Variants in CNTN5 observed in about 807,000 individuals in gnomAD.
CNTN5 encodes the protein contactin-5.
A neutral mutation model predicts 129.1 loss-of-function variants in CNTN5; 77 were observed. The ratio of observed to expected loss-of-function variants is 0.60; its 90% CI spans 0.50 to 0.72. The LOEUF is 0.72. CNTN5 is among the 30% of genes least tolerant of loss of function. CNTN5 has a pLI of 0.00. For synonymous variants in CNTN5, 509 were observed against 465.6 expected, an observed-to-expected ratio of 1.09 and a Z score of -1.20; for missense variants, 1,478 against 1,328.8, an observed-to-expected ratio of 1.11 and a Z score of -1.75.
intron 3 of CNTN5, among the ~76,000 whole-genome samples, chr11:99,704,692 A>G (rs891096541): frequency 6.6e-6 from 1 of 151,252 alleles, no homozygotes; most frequent in Non-Finnish European, 1.5e-5. Flanking sequence ...TTTTATCTAT[A>G]TATGCATTCT....
chr11:99,684,716 C>A (rs1394175662), intron 3 of CNTN5, among the ~76,000 whole-genome samples: 3 of 151,712 alleles, frequency 2.0e-5, no homozygotes, highest in African/African-American at 7.3e-5. Flanking sequence ...AGAAATTTGT[C>A]CATTTCAAAT....
At chr11:100,078,887 C>T (rs990010305) in intron 13 of CNTN5, among the ~76,000 whole-genome samples, 1 of 151,880 alleles carries the variant, frequency 6.6e-6, no homozygotes, top group Non-Finnish European at 1.5e-5. Flanking sequence ...AAGTACTGCC[C>T]AAGACTGGGT....
intron 7 of CNTN5, among the ~76,000 whole-genome samples, chr11:99,954,100 C>T (rs1414783492): frequency 6.6e-6 from 1 of 152,076 alleles, no homozygotes; most frequent in Non-Finnish European, 1.5e-5. Flanking sequence ...ACCTGTGTAA[C>T]AAACCTGCAT....
intron 3 of CNTN5, among the ~76,000 whole-genome samples, chr11:99,710,308 T>G (rs1315973278): frequency 6.6e-6 from 1 of 151,876 alleles, no homozygotes; most frequent in Non-Finnish European, 1.5e-5. Flanking sequence ...TCATTCCTCT[T>G]GTCATAACAC....
intron 4 of CNTN5, among the ~76,000 whole-genome samples, chr11:99,828,237 A>G (rs1409678579): frequency 6.6e-6 from 1 of 152,230 alleles, no homozygotes; most frequent in African/African-American, 2.4e-5. Flanking sequence ...GAGCCTTTAT[A>G]TAATGGCTAC....
At chr11:99,063,426 G>T (rs1197348590) in intron 1 of CNTN5, among the ~76,000 whole-genome samples, 1 of 151,738 alleles carries the variant, frequency 6.6e-6, no homozygotes, top group Non-Finnish European at 1.5e-5. Context: ...TGAGTGTTAA[G>T]AATCATATAA....
At chr11:100,003,759 C>T (rs945320919) in intron 9 of CNTN5, 67 of 152,246 alleles carry the variant, frequency 4.4e-4, no homozygotes, top group African/African-American at 1.5e-3. Flanking sequence ...ATGTTATTTT[C>T]TTCAACCTTT....
chr11:99,920,187 A>G (rs184907198), intron 7 of CNTN5, among the ~76,000 whole-genome samples: 1 of 152,190 alleles, frequency 6.6e-6, no homozygotes, highest in East Asian at 1.9e-4. Flanking sequence ...TCTCCATAAA[A>G]CACTATTTTC....
chr11:100,201,662 G>T (rs576644479), intron 15 of CNTN5, among the ~76,000 whole-genome samples: 2 of 151,604 alleles, frequency 1.3e-5, no homozygotes, highest in African/African-American at 2.4e-5. Context: ...CATATTACTC[G>T]TGAGCCTATT....
intron 8 of CNTN5, among the ~76,000 whole-genome samples, chr11:100,000,539 A>G (rs1003802004): frequency 6.6e-5 from 10 of 152,108 alleles, no homozygotes; most frequent in Non-Finnish European, 1.3e-4. Context: ...TTGAGTGCCT[A>G]TGGCTTTTCT....
chr11:100,017,100 T>A (rs1483723464), intron 9 of CNTN5, among the ~76,000 whole-genome samples: 10 of 152,012 alleles, frequency 6.6e-5, no homozygotes, highest in Admixed American at 3.9e-4. Context: ...TGAATCAATC[T>A]ACATTACAAC....
intron 3 of CNTN5, among the ~76,000 whole-genome samples, chr11:99,613,256 G>A (rs913808012): frequency 5.9e-5 from 9 of 152,204 alleles, no homozygotes; most frequent in African/African-American, 9.7e-5. Context: ...TTTTCCCCGT[G>A]CTGTTCTCTG....
chr11:99,778,059 T>A (rs1436135521), intron 3 of CNTN5, among the ~76,000 whole-genome samples: 4 of 151,900 alleles, frequency 2.6e-5, no homozygotes, highest in Non-Finnish European at 5.9e-5. Flanking sequence ...ATTTTTTAAT[T>A]CAGATTGAGT....
chr11:100,090,548 TTCCC>T (rs1162676109), intron 13 of CNTN5, among the ~76,000 whole-genome samples: 4 of 49,798 alleles, frequency 8.0e-5, no homozygotes, highest in Admixed American at 2.6e-4. Flanking sequence ...CCTTCCTTCC[TTCCC>T]TCCCTCCCTC....
At chr11:99,866,614 T>G (rs1591334744) in intron 6 of CNTN5, among the ~76,000 whole-genome samples, 1 of 152,334 alleles carries the variant, frequency 6.6e-6, no homozygotes, top group Middle Eastern at 3.4e-3. Flanking sequence ...TCCAAGCCAC[T>G]TAATAACATC....
At chr11:99,747,460 CTT>C (rs55790126) in intron 3 of CNTN5, among the ~76,000 whole-genome samples, 57 of 85,736 alleles carry the variant, frequency 6.6e-4, no homozygotes, top group Non-Finnish European at 9.3e-4. Flanking sequence ...AGTCAGCATC[CTT>C]TTTTTTTTTT....
chr11:99,422,490 CA>C (rs1490773743), intron 2 of CNTN5, among the ~76,000 whole-genome samples: 1 of 134,296 alleles, frequency 7.4e-6, no homozygotes, highest in East Asian at 2.2e-4. Context: ...TATTGAAAAA[CA>C]AAAGCGATTC....
chr11:100,321,151 A>G (rs1371163635), intron 21 of CNTN5, among the ~76,000 whole-genome samples: 1 of 152,030 alleles, frequency 6.6e-6, no homozygotes, highest in Non-Finnish European at 1.5e-5. Context: ...GATACTATGG[A>G]CATTTTAACA....
At chr11:99,235,185 G>T (rs1427861302) in intron 1 of CNTN5, among the ~76,000 whole-genome samples, 1 of 151,920 alleles carries the variant, frequency 6.6e-6, no homozygotes, top group Non-Finnish European at 1.5e-5. Context: ...TTTGGGGAGT[G>T]GGGGAGATTA....
Sources: allele counts gnomAD v4.1 joint callset (sites outside exome capture counted in the v4.1 genomes callset), GRCh38; gene constraint gnomAD v4.1.1; transcripts MANE v1.5; gene names NCBI Gene and HGNC (gene_info 2026-07-23, HGNC 2026-07-21).